The following PTPRN2 variants were observed in gnomAD, a reference collection of about 807,000 sequenced individuals.
The protein encoded by PTPRN2 is receptor-type tyrosine-protein phosphatase N2.
Under a neutral mutation model 118.8 loss-of-function variants are expected in PTPRN2, and 74 were observed. The ratio of observed to expected loss-of-function variants is 0.62; its 90% CI spans 0.52 to 0.76. The LOEUF (loss-of-function observed/expected upper bound fraction) is 0.76, where lower values mean the gene tolerates loss of function less well. Ranked by LOEUF, PTPRN2 falls within the 30% of genes least tolerant of loss-of-function variation. PTPRN2 has a pLI of 0.00. For synonymous variants in PTPRN2, 641 were observed against 608.0 expected (o/e 1.05, Z -0.80); for missense variants, 1,481 against 1,394.4 (o/e 1.06, Z -0.99).
chr7:157,973,124 C>T (rs1330748932), intron 11 of PTPRN2, among the ~76,000 whole-genome samples: 1 of 152,208 alleles, frequency 6.6e-6, no homozygotes, highest in Non-Finnish European at 1.5e-5. Flanking sequence ...GCTGCAGCGG[C>T]CTCACTGGCC....
chr7:157,887,788 C>T (rs1282375559), intron 12 of PTPRN2, among the ~76,000 whole-genome samples: 1 of 87,142 alleles, frequency 1.1e-5, no homozygotes, highest in South Asian at 5.1e-4. Flanking sequence ...CCCCAGTACT[C>T]GCTTCCCCAA....
At chr7:157,740,283 A>G (rs1483941402) in intron 12 of PTPRN2, 1 of 152,228 alleles carries the variant, frequency 6.6e-6, no homozygotes, top group African/African-American at 2.4e-5. Context: ...ACAGAACACT[A>G]ACCTATCAAT....
rs559918115 is a variant in PTPRN2, at chr7:157,881,063, C to T, written c.1788+17610G>A. On this transcript the variant is annotated intron_variant, in intron 12 of 22. Transcript: ENST00000389418. This position sits in a 1 kb window ranked among gnomAD's most constrained non-coding sequence, Gnocchi z 4.7. ...ATGGAGTTGTCTATAGGAGTCATTA[C>T]GGTAAAATGAGGTCATGAGGATATG... Among the ~76,000 whole-genome samples, 10 of 151,196 alleles carry T rather than the reference C, an allele frequency of 6.6e-5. No homozygotes were observed. The highest frequency in any genetic ancestry group is 2.1e-4 in the South Asian group (1 of 4,818).
chr7:157,831,075 T>C lies in PTPRN2; in HGVS notation c.1788+67598A>G, dbSNP rs1195555022. Among the ~76,000 whole-genome samples the C allele has an allele frequency of 2.0e-5, 3 of 152,248 alleles. No individual in the cohort carries two copies. Among genetic ancestry groups the C allele is most frequent in the African/African-American group, 7.2e-5 (3 of 41,470 alleles). Reference sequence around the variant, plus strand: ...CTCTGGAGGAAGAGGGTGCAGGTGCTCATTTTACTCTTCTTTCAACTTGTT... The same window carrying C: ...CTCTGGAGGAAGAGGGTGCAGGTGCCCATTTTACTCTTCTTTCAACTTGTT... On this transcript the variant is annotated intron_variant, in intron 12 of 22. Coordinates refer to ENST00000389418, the MANE Select transcript of PTPRN2 (RefSeq NM_002847.5). This position sits in a 1 kb window ranked among gnomAD's most constrained non-coding sequence, Gnocchi z 4.8.
At chr7:157,936,417 C>T (rs11773130) in intron 11 of PTPRN2, among the ~76,000 whole-genome samples, 34,100 of 152,182 alleles carry the variant, frequency 0.22, 4,666 homozygotes, top group Non-Finnish European at 0.31. Context: ...CACCAGGCCC[C>T]GCGAGCATCC....
At chr7:157,991,697 C>T (rs1053306435) in intron 11 of PTPRN2, among the ~76,000 whole-genome samples, 10 of 152,220 alleles carry the variant, frequency 6.6e-5, no homozygotes, top group Non-Finnish European at 1.0e-4. Flanking sequence ...GAGAGCTGCA[C>T]GGGGCTGTTC....
At chr7:158,200,232 G>A (rs560171287) in intron 4 of PTPRN2, among the ~76,000 whole-genome samples, 14 of 152,250 alleles carry the variant, frequency 9.2e-5, no homozygotes, top group Non-Finnish European at 1.5e-5. Flanking sequence ...AGATAGCCAT[G>A]GATTAATCAG....
At chr7:158,071,261 CGTGGTGGTGG>C (rs1251829603) in intron 11 of PTPRN2, among the ~76,000 whole-genome samples, 11 of 44,306 alleles carry the variant, frequency 2.5e-4, no homozygotes, top group Non-Finnish European at 3.6e-4. Context: ...TGGAGGTGCC[CGTGGTGGTGG>C]AGGTGCCCGT....
At chr7:157,655,273 C>T (rs1042546667) in intron 14 of PTPRN2, among the ~76,000 whole-genome samples, 1 of 152,192 alleles carries the variant, frequency 6.6e-6, no homozygotes, top group African/African-American at 2.4e-5. Context: ...TCAGTTTCCC[C>T]AAACGTCTGG....
intron 1 of PTPRN2, among the ~76,000 whole-genome samples, chr7:158,581,558 A>T (rs903581731): frequency 6.6e-6 from 1 of 152,222 alleles, no homozygotes; most frequent in African/African-American, 2.4e-5. Flanking sequence ...TTAAAAAGAA[A>T]GCTCCAGAAT....
rs62493630 is a variant in PTPRN2, at chr7:158,341,360, A to G, written c.164-24428T>C. ...CCACACTCTCACCATAAGAGGTAACACATGCAGACGTCACTCACACCCACA... is the reference window on the plus strand; with the variant it reads ...CCACACTCTCACCATAAGAGGTAACGCATGCAGACGTCACTCACACCCACA... On this transcript the variant is annotated intron_variant, in intron 2 of 22. Coordinates refer to ENST00000389418, the MANE Select transcript of PTPRN2 (RefSeq NM_002847.5). 6.6e-3 allele frequency among the ~76,000 whole-genome samples: 814 copies of G among 123,580 alleles called. 6 individuals are homozygous for G. Among genetic ancestry groups the G allele is most frequent in the African/African-American group, 0.025 (743 of 30,232 alleles). The allele number at this position is 123,580 out of a possible 152,430, so 81.1% of individuals were successfully genotyped here. A position where few individuals can be genotyped will look rare whatever the true frequency, so the allele number is the denominator to read the frequency against.
At position 157,801,307 on chromosome 7, in the gene PTPRN2, A is replaced by G. The variant is rs1478996856; in HGVS notation, c.1788+97366T>C. Among the ~76,000 whole-genome samples the G allele has an allele frequency of 1.3e-5, 2 of 152,152 alleles. No homozygotes were observed. Among genetic ancestry groups the G allele is most frequent in the African/African-American group, 4.8e-5 (2 of 41,416 alleles). On this transcript the variant is annotated intron_variant, in intron 12 of 22. Coordinates refer to ENST00000389418, the MANE Select transcript of PTPRN2 (RefSeq NM_002847.5). The surrounding 1 kb of genome is among the most constrained non-coding windows in gnomAD (Gnocchi z 4.2). ...AGTCTCTCGACCCCTGTTAGGAGCA[A>G]CGGCGGTGAGGCAGGATGAACGGCC...
intron 2 of PTPRN2, among the ~76,000 whole-genome samples, chr7:158,378,590 A>G (rs2151337171): frequency 6.6e-6 from 1 of 152,224 alleles, no homozygotes; most frequent in Non-Finnish European, 1.5e-5. Flanking sequence ...GTTATGCTGA[A>G]AACCCCACTC....
intron 12 of PTPRN2, among the ~76,000 whole-genome samples, chr7:157,760,344 G>A (rs919549900): frequency 1.3e-5 from 2 of 151,736 alleles, no homozygotes; most frequent in African/African-American, 2.4e-5. Context: ...CTCAGCAGTC[G>A]GGATGCAGGG....
At chr7:157,712,367 TG>T (rs1798687932) in intron 12 of PTPRN2, among the ~76,000 whole-genome samples, 3 of 152,110 alleles carry the variant, frequency 2.0e-5, no homozygotes, top group African/African-American at 7.2e-5. Flanking sequence ...TTATGTAACT[TG>T]GAAAAAGGAC....
intron 2 of PTPRN2, among the ~76,000 whole-genome samples, chr7:158,371,649 T>C (rs1445911540): frequency 5.3e-5 from 8 of 152,116 alleles, no homozygotes; most frequent in African/African-American, 1.7e-4. Flanking sequence ...CTCTCAAAAA[T>C]GCACACACCA....
chr7:158,276,664 T>C (rs946011849), intron 3 of PTPRN2, among the ~76,000 whole-genome samples: 9 of 152,220 alleles, frequency 5.9e-5, no homozygotes, highest in Non-Finnish European at 1.3e-4. Flanking sequence ...GAAACCATGC[T>C]TCCAGCGTTT....
At chr7:157,851,816 G>A (rs1809295988) in intron 12 of PTPRN2, among the ~76,000 whole-genome samples, 1 of 152,226 alleles carries the variant, frequency 6.6e-6, no homozygotes, top group Non-Finnish European at 1.5e-5. Context: ...CGCTCACATG[G>A]CAAACTTTCT....
At chr7:157,921,387 T>A (rs6459817) in intron 11 of PTPRN2, among the ~76,000 whole-genome samples, 10 of 151,968 alleles carry the variant, frequency 6.6e-5, no homozygotes, top group Non-Finnish European at 1.5e-5. Context: ...CTCTGTTTGA[T>A]GCTATGATGA....
Sources: gnomAD v4.1 joint callset for allele counts (sites outside exome capture counted in the v4.1 genomes callset) on GRCh38, gnomAD v4.1.1 for gene constraint, Gnocchi (gnomAD v3.1) non-coding constraint, MANE v1.5 for transcripts, NCBI Gene and HGNC (gene_info 2026-07-23, HGNC 2026-07-21) for gene names.